HS3ST4: variants seen among roughly 807,000 people sequenced by gnomAD.
HS3ST4 encodes heparan sulfate-glucosamine 3-sulfotransferase 4.
HS3ST4 carries 17 observed loss-of-function variants against 29.2 expected under a neutral mutation model. That is an observed-to-expected ratio of 0.58 (90% confidence interval 0.40 to 0.87). The LOEUF (loss-of-function observed/expected upper bound fraction) is 0.87, where lower values mean the gene tolerates loss of function less well. Ranked by LOEUF, HS3ST4 falls within the 40% of genes least tolerant of loss-of-function variation. The pLI is 0.00. For missense variants in HS3ST4, 627 were observed against 634.5 expected, an observed-to-expected ratio of 0.99 and a Z score of 0.13; for synonymous variants, 314 against 285.7, an observed-to-expected ratio of 1.10 and a Z score of -1.00.
chr16:25,911,416 G>A (rs2141678253), intron 1 of HS3ST4, among the ~76,000 whole-genome samples: 1 of 151,814 alleles, frequency 6.6e-6, no homozygotes, highest in South Asian at 2.1e-4. Flanking sequence ...GTAAACCCTG[G>A]GCGTTCTCTC....
chr16:26,019,084 A>G (rs1969387042), intron 1 of HS3ST4, among the ~76,000 whole-genome samples: 2 of 152,048 alleles, frequency 1.3e-5, no homozygotes, highest in African/African-American at 4.8e-5. Context: ...ACGATAAAAA[A>G]CATCATATTC....
At chr16:26,052,250 A>G (rs932544073) in intron 1 of HS3ST4, among the ~76,000 whole-genome samples, 7 of 152,160 alleles carry the variant, frequency 4.6e-5, no homozygotes, top group East Asian at 1.9e-4. Context: ...GTCCAATCCT[A>G]TTTCTACTCG....
At chr16:25,823,779 G>A (rs890712884) in intron 1 of HS3ST4, among the ~76,000 whole-genome samples, 6 of 152,124 alleles carry the variant, frequency 3.9e-5, no homozygotes, top group Non-Finnish European at 8.8e-5. Flanking sequence ...GGCCAGGCTG[G>A]TCTTAAACTC....
At chr16:25,884,434 T>C (rs908176556) in intron 1 of HS3ST4, among the ~76,000 whole-genome samples, 4 of 152,224 alleles carry the variant, frequency 2.6e-5, no homozygotes, top group African/African-American at 9.6e-5. Flanking sequence ...GTTCAACAAA[T>C]CCTGTTTAAT....
intron 1 of HS3ST4, among the ~76,000 whole-genome samples, chr16:25,883,444 G>T (rs115531963): frequency 6.6e-6 from 1 of 152,018 alleles, no homozygotes. Flanking sequence ...AGCTGTTGAC[G>T]GGGTAGCAGG....
chr16:25,854,171 C>G (rs1397053094), intron 1 of HS3ST4, among the ~76,000 whole-genome samples: 1 of 151,958 alleles, frequency 6.6e-6, no homozygotes, highest in Non-Finnish European at 1.5e-5. Context: ...TGCAGTGGCA[C>G]AATGATAGCT....
chr16:25,838,068 G>C (rs1967378695), intron 1 of HS3ST4, among the ~76,000 whole-genome samples: 1 of 152,236 alleles, frequency 6.6e-6, no homozygotes, highest in South Asian at 2.1e-4. Context: ...CCTGGAACCA[G>C]ATTGCCTGGG....
intron 1 of HS3ST4, among the ~76,000 whole-genome samples, chr16:25,902,461 G>T (rs1968128619): frequency 6.6e-6 from 1 of 152,090 alleles, no homozygotes; most frequent in African/African-American, 2.4e-5. Flanking sequence ...ACTCCAGCCT[G>T]GGCAACAGAG....
chr16:25,943,324 T>A (rs935462349), intron 1 of HS3ST4, among the ~76,000 whole-genome samples: 1 of 152,200 alleles, frequency 6.6e-6, no homozygotes, highest in South Asian at 2.1e-4. Context: ...CTGAATACTC[T>A]GGAGCAACAT....
intron 1 of HS3ST4, among the ~76,000 whole-genome samples, chr16:26,059,167 T>TGGA (rs1241811267): frequency 2.0e-5 from 3 of 151,740 alleles, no homozygotes; most frequent in Non-Finnish European, 4.4e-5. Flanking sequence ...GATGGCAGAG[T>TGGA]GGAGGCGAGG....
chr16:26,106,411 C>G (rs1384718473), intron 1 of HS3ST4, among the ~76,000 whole-genome samples: 1 of 152,098 alleles, frequency 6.6e-6, no homozygotes, highest in Non-Finnish European at 1.5e-5. Flanking sequence ...TTTATTTGAT[C>G]CTAATAAATG....
chr16:25,744,157 T>G (rs1028945095), intron 1 of HS3ST4, among the ~76,000 whole-genome samples: 1 of 152,238 alleles, frequency 6.6e-6, no homozygotes, highest in Non-Finnish European at 1.5e-5. Flanking sequence ...CTACCTTTAT[T>G]AATGTAACCT....
At chr16:25,904,947 T>A (rs574685152) in intron 1 of HS3ST4, among the ~76,000 whole-genome samples, 1 of 152,330 alleles carries the variant, frequency 6.6e-6, no homozygotes, top group Non-Finnish European at 1.5e-5. Flanking sequence ...ATTCCTCCTG[T>A]CCTCAAATGT....
chr16:26,123,397 T>C (rs1899302140), intron 1 of HS3ST4, among the ~76,000 whole-genome samples: 2 of 152,168 alleles, frequency 1.3e-5, no homozygotes, highest in African/African-American at 2.4e-5. Flanking sequence ...AAAGAGGCAT[T>C]TGTGGGCTCT....
At chr16:26,102,256 AT>A (rs5816353) in intron 1 of HS3ST4, among the ~76,000 whole-genome samples, 4,805 of 151,374 alleles carry the variant, frequency 0.032, 260 homozygotes, top group African/African-American at 0.11. Context: ...CACAGCAATG[AT>A]TTTTTTTTTT....
intron 1 of HS3ST4, among the ~76,000 whole-genome samples, chr16:25,744,113 T>A (rs1966671290): frequency 1.3e-5 from 2 of 152,220 alleles, no homozygotes; most frequent in South Asian, 4.1e-4. Context: ...CTAAAAAGCA[T>A]ACTAGAAAAT....
intron 1 of HS3ST4, among the ~76,000 whole-genome samples, chr16:25,736,950 G>A (rs1966613898): frequency 6.6e-6 from 1 of 152,094 alleles, no homozygotes; most frequent in South Asian, 2.1e-4. Context: ...CTGGGTTCAA[G>A]GGATTCTTCT....
chr16:25,828,236 T>TTC (rs1344663398), intron 1 of HS3ST4, among the ~76,000 whole-genome samples: 126 of 81,640 alleles, frequency 1.5e-3, no homozygotes, highest in South Asian at 2.5e-3. Context: ...CTTTCTTTCT[T>TTC]TCTTTCTCTT....
intron 1 of HS3ST4, among the ~76,000 whole-genome samples, chr16:25,908,708 A>G (rs1968204192): frequency 6.6e-6 from 1 of 152,202 alleles, no homozygotes; most frequent in South Asian, 2.1e-4. Context: ...ACATGAAACA[A>G]TGTTCAATGG....
Sources: gnomAD v4.1 joint callset for allele counts (sites outside exome capture counted in the v4.1 genomes callset) on GRCh38, gnomAD v4.1.1 for gene constraint, MANE v1.5 for transcripts, NCBI Gene and HGNC (gene_info 2026-07-23, HGNC 2026-07-21) for gene names.